Variants in DAB1 observed in about 807,000 individuals in gnomAD.
The protein encoded by DAB1 is DAB adaptor protein 1.
A neutral mutation model predicts 64.6 loss-of-function variants in DAB1; 15 were observed. The ratio of observed to expected loss-of-function variants is 0.23; its 90% CI spans 0.16 to 0.36. The LOEUF (loss-of-function observed/expected upper bound fraction) is 0.36. DAB1 is among the 10% of genes least tolerant of loss of function. The pLI is 1.00. For missense variants in DAB1, 596 were observed against 706.7 expected, an observed-to-expected ratio of 0.84 and a Z score of 1.78; for synonymous variants, 235 against 251.9, an observed-to-expected ratio of 0.93 and a Z score of 0.64.
chr1:57,088,845 T>C (rs1295937462), intron 4 of DAB1, among the ~76,000 whole-genome samples: 1 of 152,230 alleles, frequency 6.6e-6, no homozygotes, highest in African/African-American at 2.4e-5. Flanking sequence ...CAGGCGATAA[T>C]CATCTCCACC....
intron 1 of DAB1, among the ~76,000 whole-genome samples, chr1:58,539,806 C>T (rs573266768): frequency 2.8e-4 from 43 of 152,228 alleles, no homozygotes; most frequent in African/African-American, 9.6e-4. Flanking sequence ...TTCCAGGCCA[C>T]AATGCAGACA....
chr1:57,153,118 C>T (rs138868827), intron 2 of DAB1, among the ~76,000 whole-genome samples: 5 of 152,244 alleles, frequency 3.3e-5, no homozygotes, highest in East Asian at 1.9e-4. Flanking sequence ...CTCTGCCTCC[C>T]GGGTTCGAGC....
chr1:57,964,001 T>C (rs898091024), intron 5 of DAB1, among the ~76,000 whole-genome samples: 7 of 152,178 alleles, frequency 4.6e-5, no homozygotes, highest in African/African-American at 1.7e-4. Flanking sequence ...AGAAACACCA[T>C]GCTGACAGTA....
intron 6 of DAB1, among the ~76,000 whole-genome samples, chr1:57,739,192 G>C (rs1302379789): frequency 1.3e-5 from 2 of 152,026 alleles, no homozygotes; most frequent in Non-Finnish European, 2.9e-5. Flanking sequence ...TCCACCTCTG[G>C]TCCTAAATCT....
At chr1:58,513,851 C>A (rs1194199516) in intron 2 of DAB1, among the ~76,000 whole-genome samples, 3 of 152,130 alleles carry the variant, frequency 2.0e-5, no homozygotes, top group African/African-American at 7.2e-5. Context: ...AAACCAAGAT[C>A]CATGGTGACT....
At chr1:57,108,512 C>T (rs1655371439) in intron 4 of DAB1, among the ~76,000 whole-genome samples, 1 of 152,198 alleles carries the variant, frequency 6.6e-6, no homozygotes, top group Admixed American at 6.5e-5. Context: ...CTACATTTCC[C>T]ACCATTCATT....
intron 4 of DAB1, among the ~76,000 whole-genome samples, chr1:58,301,100 T>C (rs1428680195): frequency 6.6e-6 from 1 of 151,884 alleles, no homozygotes; most frequent in African/African-American, 2.4e-5. Flanking sequence ...TCAAAAATGT[T>C]CAGGAAATCT....
At chr1:58,197,961 T>C (rs751498184) in intron 4 of DAB1, among the ~76,000 whole-genome samples, 7 of 152,220 alleles carry the variant, frequency 4.6e-5, no homozygotes, top group African/African-American at 1.4e-4. Flanking sequence ...ACAAGTTTGA[T>C]TGAGATTCCC....
chr1:57,204,335 T>A (rs1200113581), intron 2 of DAB1, among the ~76,000 whole-genome samples: 2 of 151,576 alleles, frequency 1.3e-5, no homozygotes, highest in South Asian at 2.1e-4. Flanking sequence ...GGAGTGGGGG[T>A]CATGGTAACC....
At position 57,997,371 on chromosome 1, in the gene DAB1, CTG is replaced by C. The variant is rs368584384; in HGVS notation, n.388-113211_388-113210del. ...ATAAAACCCCAAGTCAAAGATCTAA[CTG>C]TGCACTTGAATCTCTCAAGTTGCCT... is the stretch of plus-strand genomic sequence containing the variant. On this transcript the variant is annotated intron_variant and non_coding_transcript_variant, in intron 5 of 20. Coordinates refer to the DAB1 transcript ENST00000485760. 1.2e-4 allele frequency among the ~76,000 whole-genome samples: 18 copies of C among 152,328 alleles called. No homozygotes were observed. In the East Asian group the frequency reaches 3.5e-3, roughly 29 times the overall value.
intron 7 of DAB1, among the ~76,000 whole-genome samples, chr1:57,588,461 T>C (rs940498960): frequency 6.6e-6 from 1 of 152,206 alleles, no homozygotes; most frequent in Non-Finnish European, 1.5e-5. Flanking sequence ...AAACGATTAA[T>C]GACATTTCAG....
chr1:57,693,585 C>T (rs1239702106), intron 6 of DAB1, among the ~76,000 whole-genome samples: 1 of 152,218 alleles, frequency 6.6e-6, no homozygotes, highest in East Asian at 1.9e-4. Context: ...ACAGCAGCGG[C>T]AACCTGCTCA....
chr1:58,491,881 C>A (rs1464016378), intron 3 of DAB1, among the ~76,000 whole-genome samples: 2 of 152,094 alleles, frequency 1.3e-5, no homozygotes, highest in Non-Finnish European at 2.9e-5. Context: ...ACAAGGATAT[C>A]CAGGAATTGA....
chr1:57,923,738 T>G (rs527835534), intron 5 of DAB1, among the ~76,000 whole-genome samples: 18 of 152,376 alleles, frequency 1.2e-4, no homozygotes, highest in Non-Finnish European at 1.8e-4. Context: ...AAGGTCTTTA[T>G]GAAGACTTTG....
At chr1:57,070,007 G>A (rs772435063) in intron 7 of DAB1, among the ~76,000 whole-genome samples, 4 of 152,240 alleles carry the variant, frequency 2.6e-5, no homozygotes, top group Non-Finnish European at 4.4e-5. Flanking sequence ...GTGCAAGCCA[G>A]TGAGCAAGGG....
chr1:57,378,656 T>G (rs1370077614), intron 1 of DAB1, among the ~76,000 whole-genome samples: 1 of 152,194 alleles, frequency 6.6e-6, no homozygotes, highest in Non-Finnish European at 1.5e-5. Context: ...TTTTCACACT[T>G]GGATGATCCG....
chr1:58,120,787 A>G (rs1652689339), intron 5 of DAB1, among the ~76,000 whole-genome samples: 1 of 152,230 alleles, frequency 6.6e-6, no homozygotes, highest in Non-Finnish European at 1.5e-5. Flanking sequence ...ACCTGCGGCC[A>G]CATCAAAACA....
At chr1:58,322,185 G>T (rs1662700568) in intron 4 of DAB1, among the ~76,000 whole-genome samples, 2 of 152,182 alleles carry the variant, frequency 1.3e-5, no homozygotes, top group South Asian at 4.1e-4. Flanking sequence ...CATGGGCAAA[G>T]ACCTCATGAC....
intron 1 of DAB1, among the ~76,000 whole-genome samples, chr1:57,304,331 C>G (rs1012010273): frequency 1.3e-5 from 2 of 151,742 alleles, no homozygotes; most frequent in Non-Finnish European, 2.9e-5. Flanking sequence ...CCCCCACACC[C>G]TCCCCCGCTT....
Sources: gnomAD v4.1 joint callset for allele counts (sites outside exome capture counted in the v4.1 genomes callset) on GRCh38, gnomAD v4.1.1 for gene constraint, MANE v1.5 for transcripts, NCBI Gene and HGNC (gene_info 2026-07-23, HGNC 2026-07-21) for gene names.